The following ERC1 variants were observed in gnomAD, a reference collection of about 807,000 sequenced individuals.
ERC1 encodes the protein ELKS/RAB6-interacting/CAST family member 1.
In ERC1, 56 loss-of-function variants were observed where a neutral mutation model predicts 132.0. The ratio of observed to expected loss-of-function variants is 0.42; its 90% CI spans 0.34 to 0.53. ERC1 has a LOEUF of 0.53. ERC1 is among the 20% of genes least tolerant of loss of function. ERC1 has a pLI of 0.03. For synonymous variants in ERC1, 478 were observed against 476.1 expected (o/e 1.00, Z -0.05); for missense variants, 1,202 against 1,349.9 (o/e 0.89, Z 1.72).
At chr12:993,809 G>A (rs1960183309) in intron 1 of ERC1, among the ~76,000 whole-genome samples, 2 of 152,184 alleles carry the variant, frequency 1.3e-5, no homozygotes, top group Admixed American at 1.3e-4. Context: ...GGCTGAGGCA[G>A]AAGAATTGCT....
chr12:1,257,609 T>C (rs2076893548), intron 13 of ERC1, among the ~76,000 whole-genome samples: 1 of 152,182 alleles, frequency 6.6e-6, no homozygotes, highest in South Asian at 2.1e-4. Context: ...TTTGTTGGTG[T>C]TTATTACCTA....
chr12:992,714 G>A (rs1959847420), intron 1 of ERC1, among the ~76,000 whole-genome samples: 2 of 152,162 alleles, frequency 1.3e-5, no homozygotes, highest in African/African-American at 2.4e-5. Flanking sequence ...TTCTTTTCTG[G>A]ATTCTTGCTC....
At chr12:1,296,834 G>A (rs2079990671) in intron 15 of ERC1, among the ~76,000 whole-genome samples, 1 of 152,220 alleles carries the variant, frequency 6.6e-6, no homozygotes, top group African/African-American at 2.4e-5. Context: ...GAGCCTCAGT[G>A]ACATGTAGGA....
intron 13 of ERC1, among the ~76,000 whole-genome samples, chr12:1,248,334 C>T (rs1170028829): frequency 6.6e-6 from 1 of 152,030 alleles, no homozygotes; most frequent in Admixed American, 6.6e-5. Context: ...TAAAACTAAA[C>T]AAATAAGTAA....
chr12:1,353,149 G>A (rs148716016), intron 15 of ERC1, among the ~76,000 whole-genome samples: 5,507 of 150,810 alleles, frequency 0.037, 367 homozygotes, highest in African/African-American at 0.13. Context: ...TCCTGCCTCA[G>A]CCTCCCGAGT....
chr12:1,379,560 T>G (rs1350685496), intron 16 of ERC1, among the ~76,000 whole-genome samples: 2 of 152,138 alleles, frequency 1.3e-5, no homozygotes, highest in Non-Finnish European at 2.9e-5. Flanking sequence ...TATGCCAAAA[T>G]CTATTAGTTA....
intron 3 of ERC1, among the ~76,000 whole-genome samples, chr12:1,103,620 G>A (rs1208798244): frequency 2.0e-5 from 3 of 152,194 alleles, no homozygotes; most frequent in African/African-American, 4.8e-5. Context: ...TGGATTTCCT[G>A]ACTGCGGCTT....
At chr12:1,376,935 G>C (rs921296768) in intron 16 of ERC1, among the ~76,000 whole-genome samples, 1 of 152,016 alleles carries the variant, frequency 6.6e-6, no homozygotes, top group African/African-American at 2.4e-5. Flanking sequence ...TCTTTCTCCC[G>C]TCATCCCAGC....
intron 15 of ERC1, among the ~76,000 whole-genome samples, chr12:1,352,181 C>T (rs2085064354): frequency 1.3e-5 from 2 of 152,134 alleles, no homozygotes; most frequent in Admixed American, 1.3e-4. Flanking sequence ...TCACCCTGTT[C>T]CTGTTGCTTA....
At chr12:1,254,038 A>G (rs2154317281) in intron 13 of ERC1, among the ~76,000 whole-genome samples, 1 of 152,310 alleles carries the variant, frequency 6.6e-6, no homozygotes, top group South Asian at 2.1e-4. Context: ...TTCAGCAAAT[A>G]TGTGAGGCTG....
rs1407963248 is a variant in ERC1, at chr12:1,061,709, C to G, written c.670-21455C>G. ...TTATCTAATCTAATTGAATCTCTCT[C>G]TCCCCCCCCATATCTCCATATCTCC... On this transcript the variant is annotated intron_variant, in intron 2 of 18. Transcript: ENST00000360905. 3.1e-5 allele frequency among the ~76,000 whole-genome samples: 4 copies of G among 127,328 alleles called. No homozygotes were observed. The East Asian group carries it at 7.9e-4, about 25-fold the overall frequency. 83.5% of individuals were successfully genotyped at this position (127,328 alleles called of 152,430 possible).
At chr12:1,240,343 T>TTTCCTATAC (rs994667349) in intron 13 of ERC1, among the ~76,000 whole-genome samples, 4 of 152,184 alleles carry the variant, frequency 2.6e-5, no homozygotes, top group Admixed American at 6.6e-5. Flanking sequence ...TGATATTATC[T>TTTCCTATAC]TTCCTATACT....
At chr12:1,161,245 A>G (rs1315713145) in intron 8 of ERC1, among the ~76,000 whole-genome samples, 2 of 152,142 alleles carry the variant, frequency 1.3e-5, no homozygotes, top group African/African-American at 2.4e-5. Context: ...GAGGAATTTT[A>G]GATTTAGCCC....
intron 15 of ERC1, among the ~76,000 whole-genome samples, chr12:1,357,735 A>AAAAG (rs1174830919): frequency 6.6e-6 from 1 of 152,214 alleles, no homozygotes; most frequent in African/African-American, 2.4e-5. Flanking sequence ...AAAATAATAA[A>AAAAG]GACAAAATGA....
rs556690945 is a variant in ERC1 at position 1,182,387 on chromosome 12, A to G, written c.2016+322A>G. 1.4e-4 allele frequency among the ~76,000 whole-genome samples: 22 copies of G among 152,354 alleles called. No individual in the cohort carries two copies. The South Asian group carries it at 4.1e-3, about 29-fold the overall frequency. ...CTAAAGATAAGAAAGTTGACAGATA[A>G]AAGGAATATGCAAAAGGAGGAAATT... On this transcript the variant is annotated intron_variant, in intron 10 of 18. Coordinates refer to ENST00000360905, the MANE Select transcript of ERC1 (RefSeq NM_178040.4).
At chr12:1,132,717 T>TTTA (rs1948880535) in intron 7 of ERC1, among the ~76,000 whole-genome samples, 2 of 151,916 alleles carry the variant, frequency 1.3e-5, no homozygotes. Flanking sequence ...ATGGAAAGGC[T>TTTA]TTTTTCTGAA....
chr12:1,042,750 A>G (rs1970462787), intron 2 of ERC1, among the ~76,000 whole-genome samples: 1 of 152,074 alleles, frequency 6.6e-6, no homozygotes, highest in South Asian at 2.1e-4. Flanking sequence ...TTTGTTTTAT[A>G]GGACTTAAAA....
At chr12:1,293,653 G>T (rs899913883) in intron 15 of ERC1, among the ~76,000 whole-genome samples, 1 of 152,010 alleles carries the variant, frequency 6.6e-6, no homozygotes, top group East Asian at 1.9e-4. Flanking sequence ...AAATTGTGGG[G>T]TTGTTCACAT....
At chr12:1,460,513 T>G (rs965612074) in intron 18 of ERC1, among the ~76,000 whole-genome samples, 4 of 152,214 alleles carry the variant, frequency 2.6e-5, no homozygotes, top group African/African-American at 7.2e-5. Context: ...GACATCCATT[T>G]CATTACCATT....
Sources: gnomAD v4.1 joint callset for allele counts (sites outside exome capture counted in the v4.1 genomes callset) on GRCh38, gnomAD v4.1.1 for gene constraint, MANE v1.5 for transcripts, NCBI Gene and HGNC (gene_info 2026-07-23, HGNC 2026-07-21) for gene names.